The following COL11A1 variants were observed in gnomAD, a reference collection of about 807,000 sequenced individuals.
COL11A1 encodes collagen type XI alpha 1 chain, also known as collagen alpha-1(XI) chain.
In COL11A1, 74 loss-of-function variants were observed where a neutral mutation model predicts 265.2. The ratio of observed to expected loss-of-function variants is 0.28; its 90% CI spans 0.23 to 0.34. The LOEUF is 0.34. Among genes scored for constraint, COL11A1 ranks in the 10% least tolerant of loss-of-function variants. The pLI is 1.00. For synonymous variants in COL11A1, 816 were observed against 727.6 expected (o/e 1.12, Z -1.96); for missense variants, 2,165 against 2,263.6 (o/e 0.96, Z 0.88).
At chr1:103,052,287 C>T (rs927088627) in intron 4 of COL11A1, among the ~76,000 whole-genome samples, 3 of 151,996 alleles carry the variant, frequency 2.0e-5, no homozygotes, top group Non-Finnish European at 4.4e-5. Context: ...TGTTTAATTC[C>T]TCTACTTAAG....
At chr1:103,107,113 C>A (rs1408560236) in intron 1 of COL11A1, among the ~76,000 whole-genome samples, 2 of 152,000 alleles carry the variant, frequency 1.3e-5, no homozygotes, top group African/African-American at 4.8e-5. Flanking sequence ...CGGGAAAGGG[C>A]GGGGGAAAGA....
intron 14 of COL11A1, among the ~76,000 whole-genome samples, chr1:103,010,975 C>T (rs1333668121): frequency 6.6e-6 from 1 of 152,094 alleles, no homozygotes; most frequent in Admixed American, 6.5e-5. Flanking sequence ...GCTGGGATTA[C>T]AGGTGCGAGC....
At chr1:102,962,481 C>T (rs938099598) in intron 39 of COL11A1, among the ~76,000 whole-genome samples, 172 bp downstream of exon 39, 6 of 152,114 alleles carry the variant, frequency 3.9e-5, no homozygotes, top group African/African-American at 7.2e-5. Flanking sequence ...ACGGAGCTAA[C>T]GGTCTTATAT....
intron 49 of COL11A1, among the ~76,000 whole-genome samples, chr1:102,918,616 G>A (rs1570726411): frequency 6.6e-6 from 1 of 151,520 alleles, no homozygotes; most frequent in South Asian, 2.1e-4. Flanking sequence ...AAAAAATGAA[G>A]GTTAGAATTC....
chr1:102,914,396 C>A lies in COL11A1; in HGVS notation c.3934G>T (p.Gly1312Cys), dbSNP rs2101030448. The A allele has an allele frequency of 1.2e-6, 2 of 1,606,130 alleles. No individual in the cohort carries two copies. Among genetic ancestry groups the A allele is most frequent in the Non-Finnish European group, 8.5e-7 (1 of 1,175,384 alleles). ...DGPKGNPGPV[G>C]FPGDPGPPGE... ...GGAGGACCAGGATCTCCAGGAAAAC[C>A]AACAGGACCCTAGAATGACGTTTTG... Residue 1312 changes from glycine to cysteine, a missense_variant, in exon 52 of 67, where the codon GGT becomes TGT. Transcript: ENST00000370096.
chr1:102,920,242 A>T, intron 49 of COL11A1, 69 bp downstream of exon 49: 1 of 1,381,338 alleles, frequency 7.2e-7, no homozygotes, highest in South Asian at 1.2e-5. Flanking sequence ...AAGCACTTAA[A>T]CTACTACCCA....
chr1:103,006,022 G>C (rs1457617730), intron 17 of COL11A1, 46 bp downstream of exon 17: 3 of 1,611,802 alleles, frequency 1.9e-6, no homozygotes, highest in East Asian at 4.5e-5. Context: ...ATTTTCCAGA[G>C]TGAACTGACA....
intron 5 of COL11A1, among the ~76,000 whole-genome samples, chr1:103,028,634 T>G (rs1348787345): frequency 6.6e-6 from 1 of 152,048 alleles, no homozygotes; most frequent in Non-Finnish European, 1.5e-5. Flanking sequence ...CTAACAGAAA[T>G]TAGAGTAGGT....
intron 32 of COL11A1, 35 bp from the exon 33 acceptor site, chr1:102,979,139 A>G: frequency 6.3e-7 from 1 of 1,593,748 alleles, no homozygotes; most frequent in Non-Finnish European, 8.6e-7. Flanking sequence ...TATGCAGTAT[A>G]TCACAGTAAA....
chr1:103,092,872 C>G (rs2102377166), intron 1 of COL11A1, among the ~76,000 whole-genome samples: 1 of 152,008 alleles, frequency 6.6e-6, no homozygotes, highest in African/African-American at 2.4e-5. Context: ...CATACATACA[C>G]AAAGTTGAAT....
intron 49 of COL11A1, among the ~76,000 whole-genome samples, chr1:102,919,354 C>A (rs1304758828): frequency 1.3e-5 from 2 of 151,252 alleles, no homozygotes; most frequent in African/African-American, 4.8e-5. Flanking sequence ...ACAATCTAAT[C>A]TTATTACATT....
Position 103,074,633 on chromosome 1 carries a change from A to C in COL11A1, c.636T>G (p.Asp212Glu), listed in dbSNP as rs754315991. The change falls in exon 4 of 67, where the codon GAT (aspartate) becomes GAG (glutamate). Residue 212 changes from aspartate (D) to glutamate (E), a missense_variant. Physicochemically the swap from Asp to Glu is conservative, Grantham distance 45. Coordinates refer to ENST00000370096, the MANE Select transcript of COL11A1 (RefSeq NM_001854.4). ...GITVFGTRIL[D>E]EEVFEGDIQQ... ...TTATTTTTACCTCAAAAACTTCTTCATCCAAAATCCTTGTTCCAAAAACCG... is the reference window on the plus strand; with the variant it reads ...TTATTTTTACCTCAAAAACTTCTTCCTCCAAAATCCTTGTTCCAAAAACCG... The C allele has an allele frequency of 6.2e-7, 1 of 1,613,158 alleles. No homozygotes were observed. Among genetic ancestry groups the C allele is most frequent in the South Asian group, 1.1e-5 (1 of 91,080 alleles).
In COL11A1 at chr1:103,024,514, A is replaced by AT. The variant is rs991428036; in HGVS notation, c.990+1006dup. 3.1e-3 allele frequency among the ~76,000 whole-genome samples: 476 copies of AT among 152,004 alleles called. 12 individuals carry two copies. The highest frequency in any genetic ancestry group is 1.2e-3 in the South Asian group (6 of 4,812). ...TAAAATTAAATGTCCAATAACCGTAATTTTTTTTGTATTCTTAGATAAGGA... is the reference window on the plus strand; with the variant it reads ...TAAAATTAAATGTCCAATAACCGTAATTTTTTTTTGTATTCTTAGATAAGGA... On this transcript the variant is annotated intron_variant, in intron 7 of 66. Coordinates refer to ENST00000370096, the MANE Select transcript of COL11A1 (RefSeq NM_001854.4).
Position 102,934,678 on chromosome 1 carries a change from A to G in COL11A1, c.3493-122T>C, listed in dbSNP as rs912471471. On this transcript the variant is annotated intron_variant, in intron 45 of 66. Coordinates refer to ENST00000370096, the MANE Select transcript of COL11A1 (RefSeq NM_001854.4). ...TGTATTTAAGAATAACCAAGTAAAAAGTAGACTGAATGCCCATTATCTGCT... is the reference window on the plus strand; with the variant it reads ...TGTATTTAAGAATAACCAAGTAAAAGGTAGACTGAATGCCCATTATCTGCT... The G allele has an allele frequency of 6.4e-6, 5 of 782,440 alleles. No individual in the cohort carries two copies. In the African/African-American group the frequency reaches 8.6e-5, roughly 14 times the overall value. 48.5% of individuals were successfully genotyped at this position (782,440 alleles called of 1,614,324 possible).
intron 4 of COL11A1, among the ~76,000 whole-genome samples, chr1:103,071,118 A>T (rs140259369): frequency 2.0e-5 from 3 of 152,006 alleles, no homozygotes; most frequent in Non-Finnish European, 4.4e-5. Context: ...GTCCATCACA[A>T]AGCTTTTCTA....
At chr1:103,015,574 T>C (rs1666495710) in intron 12 of COL11A1, 94 bp downstream of exon 12, 2 of 961,550 alleles carry the variant, frequency 2.1e-6, no homozygotes, top group Non-Finnish European at 3.2e-6. Context: ...ACAATGGTTT[T>C]TAGTTGATTG....
intron 9 of COL11A1, 80 bp from the exon 10 acceptor site, chr1:103,018,939 A>G (rs1303804742): frequency 3.9e-6 from 4 of 1,025,874 alleles, no homozygotes; most frequent in Non-Finnish European, 6.0e-6. Context: ...AGAGAACACT[A>G]TATCATTGCA....
rs566887547 is a variant in COL11A1, at chr1:102,903,589, T to C, written c.4087-4595A>G. Among the ~76,000 whole-genome samples the C allele has an allele frequency of 2.6e-5, 4 of 152,340 alleles. No individual in the cohort carries two copies. The East Asian group carries it at 7.7e-4, about 29-fold the overall frequency. On this transcript the variant is annotated intron_variant, in intron 54 of 66. Transcript: ENST00000370096. ...AGGGAAACAGATTGTAAGGCAAATC[T>C]GTATTCAACCAAAGCACAAGCCTGT...
Position 102,935,040 on chromosome 1 carries a change from G to T in COL11A1, c.3492+20C>A, listed in dbSNP as rs1374170381. ...GGAGCTGTAAGGATTTAGATTTGCT[G>T]AACAATGTGGAATACTCACAGCAAT... On this transcript the variant is annotated intron_variant, in intron 45 of 66. Coordinates refer to ENST00000370096, the MANE Select transcript of COL11A1 (RefSeq NM_001854.4). 4 of 1,612,794 alleles carry T rather than the reference G, an allele frequency of 2.5e-6. No individual in the cohort carries two copies. The East Asian group carries it at 8.9e-5, about 36-fold the overall frequency.
Sources: gnomAD v4.1 joint callset for allele counts (sites outside exome capture counted in the v4.1 genomes callset) on GRCh38, gnomAD v4.1.1 for gene constraint, MANE v1.5 for transcripts, NCBI Gene and HGNC (gene_info 2026-07-23, HGNC 2026-07-21) for gene names.